POT1: variants seen among roughly 807,000 people sequenced by gnomAD.
The protein encoded by POT1 is protection of telomeres protein 1.
POT1 carries 47 observed loss-of-function variants against 78.5 expected under a neutral mutation model. That is an observed-to-expected ratio of 0.60 (90% CI 0.47 to 0.76). The LOEUF is 0.76. POT1 is among the 30% of genes least tolerant of loss of function. The pLI, the probability that POT1 is intolerant of heterozygous loss-of-function variation, is 0.00. For missense variants in POT1, 646 were observed against 749.9 expected, an observed-to-expected ratio of 0.86 and a Z score of 1.62; for synonymous variants, 259 against 260.7, an observed-to-expected ratio of 0.99 and a Z score of 0.06.
rs765478982 is a variant in POT1 at position 124,822,865 on chromosome 7, A to C, written c.*1097T>G. 22 of 184,562 alleles carry C rather than the reference A, an allele frequency of 1.2e-4. No individual in the cohort carries two copies. The highest frequency in any genetic ancestry group is 2.3e-4 in the Non-Finnish European group (19 of 84,138). 11.4% of individuals were successfully genotyped at this position (184,562 alleles called of 1,614,324 possible). On this transcript the variant is annotated 3_prime_UTR_variant, in exon 19 of 19. Transcript: ENST00000357628. ...AATAAGATGTTAAAAGTATTTTGAA[A>C]CTATAGAAAAACACACTGACTCCTC... is the stretch of plus-strand genomic sequence containing the variant.
intron 2 of POT1, 123 bp downstream of exon 2, chr7:124,928,692 A>T (rs930352329): frequency 2.0e-5 from 3 of 152,568 alleles, no homozygotes; most frequent in East Asian, 3.8e-4. Flanking sequence ...TGAAATATTC[A>T]ATCTCAAATG....
At chr7:124,926,204 C>T (rs1178259563) in intron 2 of POT1, among the ~76,000 whole-genome samples, 3 of 152,098 alleles carry the variant, frequency 2.0e-5, no homozygotes, top group African/African-American at 4.8e-5. Flanking sequence ...ATACATTCAA[C>T]AGAGGACTAA....
chr7:124,912,253 A>G (rs1013857114), intron 3 of POT1, among the ~76,000 whole-genome samples: 2 of 152,096 alleles, frequency 1.3e-5, no homozygotes, highest in Admixed American at 1.3e-4. Flanking sequence ...TTGGGGGAAA[A>G]AAAAAAAACT....
chr7:124,836,115 GA>G (rs1794894990), intron 14 of POT1, among the ~76,000 whole-genome samples: 1 of 152,136 alleles, frequency 6.6e-6, no homozygotes, highest in Non-Finnish European at 1.5e-5. Flanking sequence ...AATTATAAAG[GA>G]GAAGCACTTC....
chr7:124,922,710 C>T (rs1399216699), intron 2 of POT1, among the ~76,000 whole-genome samples: 1 of 151,718 alleles, frequency 6.6e-6, no homozygotes, highest in Non-Finnish European at 1.5e-5. Flanking sequence ...CAAAAGAACT[C>T]AGGAAGGAGA....
intron 3 of POT1, 94 bp downstream of exon 3, chr7:124,915,480 T>C (rs1044418286): frequency 2.0e-5 from 3 of 152,168 alleles, no homozygotes; most frequent in African/African-American, 7.2e-5. Flanking sequence ...TAAAGGGCTA[T>C]GAAGTAGAAT....
At chr7:124,844,138 T>C (rs1795100380) in intron 12 of POT1, among the ~76,000 whole-genome samples, 2 of 150,510 alleles carry the variant, frequency 1.3e-5, no homozygotes, top group Admixed American at 1.3e-4. Flanking sequence ...TTTTTTTTTT[T>C]TTTTTCGGAG....
chr7:124,855,232 A>C (rs1304081576), intron 9 of POT1, among the ~76,000 whole-genome samples: 2 of 149,768 alleles, frequency 1.3e-5, no homozygotes, highest in Non-Finnish European at 3.0e-5. Context: ...AAAAAAAAAA[A>C]AAAAAAAAAA....
chr7:124,874,344 A>G (rs976042110), intron 6 of POT1, among the ~76,000 whole-genome samples: 8 of 152,324 alleles, frequency 5.3e-5, no homozygotes, highest in African/African-American at 2.4e-5. Flanking sequence ...AGGGCGTATT[A>G]GAGAAACAAA....
chr7:124,892,490 G>C (rs1234118351), intron 5 of POT1, 110 bp from the exon 6 acceptor site: 1 of 545,200 alleles, frequency 1.8e-6, no homozygotes, highest in Admixed American at 3.9e-5. Context: ...CCTTTTAAGT[G>C]TCTAAAAGAA....
rs1055198435 is a variant in POT1 at position 124,822,920 on chromosome 7, T to C, written c.*1042A>G. 1.7e-5 allele frequency: 3 copies of C among 171,806 alleles called. No individual in the cohort carries two copies. The highest frequency in any genetic ancestry group is 3.9e-5 in the Non-Finnish European group (3 of 77,892). 10.6% of individuals were successfully genotyped at this position (171,806 alleles called of 1,614,324 possible). Reference sequence around the variant, plus strand: ...AATCTATTTCCAATGTTATTTCAGATGTTTAAGTCAAAGACTCGTTGCAGA... The same window carrying C: ...AATCTATTTCCAATGTTATTTCAGACGTTTAAGTCAAAGACTCGTTGCAGA... On this transcript the variant is annotated 3_prime_UTR_variant, in exon 19 of 19. Coordinates refer to ENST00000357628, the MANE Select transcript of POT1 (RefSeq NM_015450.3).
At chr7:124,893,225 A>G (rs1041555034) in intron 5 of POT1, among the ~76,000 whole-genome samples, 12 of 151,322 alleles carry the variant, frequency 7.9e-5, no homozygotes, top group African/African-American at 2.7e-4. Context: ...TTTTTAACTA[A>G]TATCTCTTTG....
chr7:124,905,123 T>C (rs575352981), intron 3 of POT1, among the ~76,000 whole-genome samples: 35 of 151,530 alleles, frequency 2.3e-4, no homozygotes, highest in Non-Finnish European at 4.9e-4. Context: ...ATGACTTTCT[T>C]CACAGAATTG....
intron 6 of POT1, among the ~76,000 whole-genome samples, chr7:124,872,055 C>A (rs1386473378): frequency 3.3e-5 from 5 of 152,030 alleles, no homozygotes; most frequent in African/African-American, 1.2e-4. Flanking sequence ...TGGCAACAAC[C>A]ATTCTACTCT....
At chr7:124,829,856 T>C (rs1162904597) in intron 15 of POT1, among the ~76,000 whole-genome samples, 3 of 152,058 alleles carry the variant, frequency 2.0e-5, no homozygotes, top group African/African-American at 7.2e-5. Context: ...CACACCACCA[T>C]GCCTGGGTGA....
intron 5 of POT1, among the ~76,000 whole-genome samples, chr7:124,895,667 A>C (rs1422003095): frequency 6.6e-6 from 1 of 151,764 alleles, no homozygotes; most frequent in Non-Finnish European, 1.5e-5. Flanking sequence ...AAAAGCGGAG[A>C]GATGTCTTAG....
At chr7:124,904,490 G>A (rs1796709513) in intron 3 of POT1, among the ~76,000 whole-genome samples, 3 of 152,112 alleles carry the variant, frequency 2.0e-5, no homozygotes, top group Non-Finnish European at 4.4e-5. Context: ...TTGATGGGAT[G>A]TATCTCAAAA....
intron 5 of POT1, among the ~76,000 whole-genome samples, chr7:124,895,115 T>A (rs925940729): frequency 4.6e-5 from 7 of 151,672 alleles, no homozygotes; most frequent in African/African-American, 1.7e-4. Flanking sequence ...TAATCTTCTA[T>A]GATAATGAAA....
chr7:124,842,780 GTTTGT>G, intron 13 of POT1, 22 bp downstream of exon 13: 1 of 1,555,964 alleles, frequency 6.4e-7, no homozygotes, highest in Non-Finnish European at 8.7e-7. Flanking sequence ...ATATGAAAAC[GTTTGT>G]TTTATTATGG....
Sources: allele counts gnomAD v4.1 joint callset (sites outside exome capture counted in the v4.1 genomes callset), GRCh38; gene constraint gnomAD v4.1.1; transcripts MANE v1.5; gene names NCBI Gene and HGNC (gene_info 2026-07-23, HGNC 2026-07-21).